The following ARHGAP25 variants were observed in gnomAD, a reference collection of about 807,000 sequenced individuals.
ARHGAP25 encodes Rho GTPase activating protein 25.
A neutral mutation model predicts 71.0 loss-of-function variants in ARHGAP25; 34 were observed. That is an observed-to-expected ratio of 0.48 (90% CI 0.36 to 0.64). The LOEUF is 0.64. Ranked by LOEUF, ARHGAP25 falls within the 30% of genes least tolerant of loss-of-function variation. ARHGAP25 has a pLI of 0.00. For synonymous variants in ARHGAP25, 282 were observed against 296.5 expected, an observed-to-expected ratio of 0.95 and a Z score of 0.50; for missense variants, 706 against 805.1, an observed-to-expected ratio of 0.88 and a Z score of 1.49.
At chr2:68,769,737 G>A (rs919511352) in intron 1 of ARHGAP25, among the ~76,000 whole-genome samples, 1 of 152,008 alleles carries the variant, frequency 6.6e-6, no homozygotes, top group African/African-American at 2.4e-5. Flanking sequence ...AGGAAGTGGG[G>A]CCTGAAGGGA....
intron 1 of ARHGAP25, among the ~76,000 whole-genome samples, chr2:68,754,056 C>T (rs1676340260): frequency 6.6e-6 from 1 of 152,068 alleles, no homozygotes; most frequent in South Asian, 2.1e-4. Flanking sequence ...GCGCCCGCCA[C>T]CATGCCCAGC....
chr2:68,821,092 C>CT (rs34119311), intron 9 of ARHGAP25, among the ~76,000 whole-genome samples: 5,414 of 99,560 alleles, frequency 0.054, 232 homozygotes, highest in African/African-American at 0.11. Context: ...CTTTTTCTTT[C>CT]TTTTTTTTTT....
intron 3 of ARHGAP25, among the ~76,000 whole-genome samples, chr2:68,784,573 A>G (rs751785873): frequency 5.3e-5 from 8 of 152,064 alleles, no homozygotes; most frequent in Non-Finnish European, 1.2e-4. Context: ...TAGCATAACT[A>G]TCTATTCTTC....
At chr2:68,715,264 CTT>C (rs1558595812) in intron 2 of ARHGAP25, among the ~76,000 whole-genome samples, 1 of 152,174 alleles carries the variant, frequency 6.6e-6, no homozygotes, top group Admixed American at 6.5e-5. Context: ...CTACCCCAGA[CTT>C]ATGGAATCAG....
chr2:68,721,992 G>A (rs898069387), intron 2 of ARHGAP25, among the ~76,000 whole-genome samples: 3 of 152,196 alleles, frequency 2.0e-5, no homozygotes, highest in Non-Finnish European at 4.4e-5. Context: ...GGCAAGGAGC[G>A]GCTCCTTAAA....
chr2:68,760,513 A>G (rs1676738310), intron 1 of ARHGAP25, among the ~76,000 whole-genome samples: 1 of 152,090 alleles, frequency 6.6e-6, no homozygotes, highest in Non-Finnish European at 1.5e-5. Flanking sequence ...AAAGCTCAAA[A>G]ATCAGTTGCA....
chr2:68,743,920 CTTGAA>C (rs1258146398), intron 1 of ARHGAP25, among the ~76,000 whole-genome samples: 1 of 152,090 alleles, frequency 6.6e-6, no homozygotes, highest in Non-Finnish European at 1.5e-5. Context: ...TTGTATGTTT[CTTGAA>C]TTGAATTTCC....
At chr2:68,737,398 A>G (rs1675276293) in intron 1 of ARHGAP25, among the ~76,000 whole-genome samples, 2 of 152,218 alleles carry the variant, frequency 1.3e-5, no homozygotes, top group Non-Finnish European at 2.9e-5. Flanking sequence ...CAACCTAGAT[A>G]CCATTGACAT....
At chr2:68,748,435 C>G (rs963658134) in intron 1 of ARHGAP25, among the ~76,000 whole-genome samples, 1 of 152,236 alleles carries the variant, frequency 6.6e-6, no homozygotes, top group Admixed American at 6.5e-5. Flanking sequence ...GAAACGATCT[C>G]ATTCCTTTGC....
At chr2:68,768,363 C>A (rs1317868476) in intron 1 of ARHGAP25, among the ~76,000 whole-genome samples, 1 of 152,190 alleles carries the variant, frequency 6.6e-6, no homozygotes, top group Non-Finnish European at 1.5e-5. Context: ...GAAATCCCGC[C>A]AATAGGTAAA....
At chr2:68,753,557 G>A (rs140592698) in intron 1 of ARHGAP25, among the ~76,000 whole-genome samples, 1 of 152,176 alleles carries the variant, frequency 6.6e-6, no homozygotes, top group East Asian at 1.9e-4. Context: ...GCGTGGCATC[G>A]CATGGCTTTC....
rs1243471707 is a variant in ARHGAP25, at chr2:68,822,389, C to T, written c.1250C>T (p.Ala417Val). The change falls in exon 10 of 11, where the codon GCG (alanine) becomes GTG (valine). Residue 417 changes from alanine to valine, a missense_variant. Coordinates refer to ENST00000409202, the MANE Select transcript of ARHGAP25 (RefSeq NM_001007231.3). ...CCCACCGGACAGCAGCCGAGCGATG[C>T]GTTTCCGGAGGACAGCAGCAAAGTA... The part of the protein sequence containing the change: ...TSPTGQQPSD[A>V]FPEDSSKVPR... 1.9e-6 allele frequency: 3 copies of T among 1,614,130 alleles called. No individual in the cohort carries two copies. The highest frequency in any genetic ancestry group is 1.1e-5 in the South Asian group (1 of 91,082).
In ARHGAP25 at chr2:68,746,714, C is replaced by A. The variant is rs373735442; in HGVS notation, c.61+11454C>A. On this transcript the variant is annotated intron_variant, in intron 1 of 10. Transcript: ENST00000409202. ...TAAAGACAGGGACCACCCCCCTCCC[C>A]ATCCCCACAGGGCCGGGCGCGGTGG... Among the ~76,000 whole-genome samples, 9 of 151,426 alleles carry A rather than the reference C, an allele frequency of 5.9e-5. No individual in the cohort carries two copies. In the East Asian group the frequency reaches 7.8e-4, roughly 13 times the overall value.
intron 2 of ARHGAP25, 100 bp from the exon 3 acceptor site, chr2:68,782,133 T>C (rs1401461705): frequency 9.3e-7 from 1 of 1,074,392 alleles, no homozygotes; most frequent in Non-Finnish European, 1.4e-6. Context: ...ATCCTCCTAC[T>C]CTCCTCCCCA....
chr2:68,817,942 T>C lies in ARHGAP25; in HGVS notation c.951T>C (p.Ile317=). Residue 317 remains isoleucine, a synonymous_variant, in exon 8 of 11, where the codon ATT becomes ATC. Transcript: ENST00000409202. ...GTGTGGACAACCTGGCTACTGTGAT[T>C]GGTGTGAATCTCATCAGGTCGAAGG... ...KMSVDNLATV[I]GVNLIRSKVE... 2 of 1,614,162 alleles carry C rather than the reference T, an allele frequency of 1.2e-6. No individual in the cohort carries two copies. The highest frequency in any genetic ancestry group is 2.2e-5 in the East Asian group (1 of 44,880).
chr2:68,741,377 G>A (rs1169894576), intron 1 of ARHGAP25, among the ~76,000 whole-genome samples: 1 of 152,206 alleles, frequency 6.6e-6, no homozygotes, highest in Admixed American at 6.5e-5. Flanking sequence ...AGGGACTGCA[G>A]TGCTTCCTCC....
intron 4 of ARHGAP25, among the ~76,000 whole-genome samples, chr2:68,804,412 A>C (rs965054488): frequency 1.3e-5 from 2 of 152,188 alleles, no homozygotes; most frequent in African/African-American, 2.4e-5. Flanking sequence ...TCCTGATGCT[A>C]TCTGGTCTGT....
At chr2:68,750,352 T>A (rs79786988) in intron 1 of ARHGAP25, among the ~76,000 whole-genome samples, 1 of 150,946 alleles carries the variant, frequency 6.6e-6, no homozygotes, top group Admixed American at 6.6e-5. Flanking sequence ...GATAGAGTTT[T>A]ATTCTTGTCA....
In ARHGAP25 at chr2:68,756,135, G is replaced by C. The variant is rs561285617; in HGVS notation, c.62-19086G>C. Among the ~76,000 whole-genome samples, 251 of 152,288 alleles carry C rather than the reference G, an allele frequency of 1.6e-3. 2 individuals carry two copies. Among genetic ancestry groups the C allele is most frequent in the Middle Eastern group, 6.8e-3 (2 of 294 alleles). On this transcript the variant is annotated intron_variant, in intron 1 of 10. Transcript: ENST00000409202. ...CAGAAGGAGGCTTGGACAGTGAGTT[G>C]TACTTAATTTCAGTGAGTTTCAGCT...
Sources: allele counts gnomAD v4.1 joint callset (sites outside exome capture counted in the v4.1 genomes callset), GRCh38; gene constraint gnomAD v4.1.1; transcripts MANE v1.5; gene names NCBI Gene and HGNC (gene_info 2026-07-23, HGNC 2026-07-21).